The following SLC9A2 variants were observed in gnomAD, a reference collection of about 807,000 sequenced individuals.
SLC9A2 encodes solute carrier family 9 member A2.
Under a neutral mutation model 71.7 loss-of-function variants are expected in SLC9A2, and 42 were observed. The observed-to-expected ratio is 0.59, with a 90% confidence interval of 0.46 to 0.76. The LOEUF (loss-of-function observed/expected upper bound fraction) is 0.76, where lower values mean the gene tolerates loss of function less well. Among genes scored for constraint, SLC9A2 ranks in the 30% least tolerant of loss-of-function variants. The pLI is 0.00. For synonymous variants in SLC9A2, 396 were observed against 392.5 expected (o/e 1.01, Z -0.10); for missense variants, 829 against 1,017.4 (o/e 0.81, Z 2.52).
chr2:102,683,998 G>A (rs1383793407), intron 4 of SLC9A2, 136 bp from the exon 5 acceptor site: 5 of 656,272 alleles, frequency 7.6e-6, no homozygotes, highest in Non-Finnish European at 1.3e-5. Flanking sequence ...TAGCAAGACA[G>A]AGAAAAAGGG....
intron 8 of SLC9A2, 54 bp downstream of exon 8, chr2:102,701,285 AT>A: frequency 8.0e-7 from 1 of 1,247,050 alleles, no homozygotes; most frequent in Non-Finnish European, 1.1e-6. Context: ...CATTGATAGT[AT>A]TTTGAAACTG....
chr2:102,626,512 GCAAGGACTT>G (rs1163072285), intron 1 of SLC9A2, among the ~76,000 whole-genome samples: 1 of 152,148 alleles, frequency 6.6e-6, no homozygotes, highest in African/African-American at 2.4e-5. Context: ...ATAGGCATGG[GCAAGGACTT>G]CATGTCTAAA....
intron 7 of SLC9A2, among the ~76,000 whole-genome samples, chr2:102,695,813 T>A (rs1487494043): frequency 5.6e-5 from 6 of 107,892 alleles, no homozygotes; most frequent in African/African-American, 1.1e-4. Flanking sequence ...TATATATATA[T>A]AATATATATA....
At chr2:102,686,669 A>T (rs1188005711) in intron 5 of SLC9A2, 2 of 152,202 alleles carry the variant, frequency 1.3e-5, no homozygotes, top group Non-Finnish European at 2.9e-5. Context: ...CTTCAATGAG[A>T]CTTTATGTGA....
At chr2:102,687,881 C>T (rs1272920411) in intron 5 of SLC9A2, among the ~76,000 whole-genome samples, 2 of 151,920 alleles carry the variant, frequency 1.3e-5, no homozygotes, top group East Asian at 1.9e-4. Flanking sequence ...TAGGTTCCAG[C>T]GATTCTCCTG....
intron 1 of SLC9A2, among the ~76,000 whole-genome samples, chr2:102,627,352 T>C (rs1676270534): frequency 6.6e-6 from 1 of 152,066 alleles, no homozygotes; most frequent in South Asian, 2.1e-4. Flanking sequence ...GTTCCTTGGG[T>C]GATATAAAAA....
chr2:102,706,057 C>G (rs1364117462), intron 11 of SLC9A2, 121 bp downstream of exon 11: 1 of 27,216 alleles, frequency 3.7e-5, no homozygotes, highest in Non-Finnish European at 6.3e-5. Context: ...CGGTGGCTCA[C>G]GCCTGTAATC....
chr2:102,649,975 C>A (rs1558707242), intron 1 of SLC9A2, among the ~76,000 whole-genome samples: 1 of 152,106 alleles, frequency 6.6e-6, no homozygotes, highest in Admixed American at 6.5e-5. Flanking sequence ...GGGTATACAC[C>A]CAAAGGATTA....
At chr2:102,629,893 A>G (rs1382572031) in intron 1 of SLC9A2, among the ~76,000 whole-genome samples, 2 of 152,076 alleles carry the variant, frequency 1.3e-5, no homozygotes, top group Non-Finnish European at 2.9e-5. Context: ...GGGACAATCA[A>G]TGTAGCAATG....
At chr2:102,690,598 G>A (rs1475289679) in intron 5 of SLC9A2, among the ~76,000 whole-genome samples, 1 of 152,110 alleles carries the variant, frequency 6.6e-6, no homozygotes, top group African/African-American at 2.4e-5. Flanking sequence ...GGGAGAGACG[G>A]ACAGACATAG....
intron 1 of SLC9A2, among the ~76,000 whole-genome samples, chr2:102,650,077 C>G (rs1018264764): frequency 6.6e-6 from 1 of 152,122 alleles, no homozygotes; most frequent in Non-Finnish European, 1.5e-5. Flanking sequence ...AACCAAAATG[C>G]CCATCAACGA....
intron 2 of SLC9A2, 101 bp from the exon 3 acceptor site, chr2:102,664,999 G>C (rs751886802): frequency 5.4e-5 from 68 of 1,254,676 alleles, no homozygotes; most frequent in Non-Finnish European, 7.3e-5. Context: ...GTACACAGAA[G>C]AAATGTCCTT....
chr2:102,707,833 T>C (rs546615094), intron 11 of SLC9A2, among the ~76,000 whole-genome samples: 129 of 152,292 alleles, frequency 8.5e-4, no homozygotes, highest in Middle Eastern at 3.4e-3. Context: ...AAGTAGGTGA[T>C]TGTGAAGACA....
At chr2:102,702,577 T>C (rs1303121773) in intron 9 of SLC9A2, 75 bp downstream of exon 9, 1 of 848,182 alleles carries the variant, frequency 1.2e-6, no homozygotes, top group East Asian at 2.5e-5. Context: ...GTGCTGTAAC[T>C]GGAGGCTGCA....
intron 3 of SLC9A2, among the ~76,000 whole-genome samples, chr2:102,673,288 A>C (rs962773466): frequency 4.6e-5 from 7 of 152,228 alleles, no homozygotes; most frequent in Non-Finnish European, 8.8e-5. Context: ...AACGCATAAT[A>C]AATCCAATAA....
chr2:102,622,126 T>A (rs1388969932), intron 1 of SLC9A2, among the ~76,000 whole-genome samples: 1 of 152,152 alleles, frequency 6.6e-6, no homozygotes, highest in East Asian at 1.9e-4. Context: ...AGAGATGGTA[T>A]AAGGGAGATG....
intron 1 of SLC9A2, among the ~76,000 whole-genome samples, chr2:102,642,818 C>A (rs1271775849): frequency 2.0e-5 from 3 of 152,148 alleles, no homozygotes; most frequent in African/African-American, 7.2e-5. Context: ...ATTACAACTT[C>A]AAATTTTAAC....
intron 7 of SLC9A2, among the ~76,000 whole-genome samples, chr2:102,697,722 CTG>C (rs1435915598): frequency 1.3e-4 from 19 of 150,128 alleles, no homozygotes; most frequent in African/African-American, 4.6e-4. Flanking sequence ...CTTCTTAAAA[CTG>C]TGTTCTGCTG....
chr2:102,666,283 C>A lies in SLC9A2; in HGVS notation c.1004+933C>A, dbSNP rs562641750. Reference sequence around the variant, plus strand: ...TGATCTCGGCTCACTGCAAGCTCCGCCTCCCGGGTTCACACCATTCTCCTG... The same window carrying A: ...TGATCTCGGCTCACTGCAAGCTCCGACTCCCGGGTTCACACCATTCTCCTG... On this transcript the variant is annotated intron_variant, in intron 3 of 11. Coordinates refer to ENST00000233969, the MANE Select transcript of SLC9A2 (RefSeq NM_003048.6). Among the ~76,000 whole-genome samples, 30 of 151,316 alleles carry A rather than the reference C, an allele frequency of 2.0e-4. 1 individual carries two copies. The highest frequency in any genetic ancestry group is 7.3e-4 in the African/African-American group (30 of 41,186).
Sources: allele counts gnomAD v4.1 joint callset (sites outside exome capture counted in the v4.1 genomes callset), GRCh38; gene constraint gnomAD v4.1.1; transcripts MANE v1.5; gene names NCBI Gene and HGNC (gene_info 2026-07-23, HGNC 2026-07-21).